The following ARMC2 variants were observed in gnomAD, a reference collection of about 807,000 sequenced individuals.
ARMC2 encodes armadillo repeat containing 2, also known as armadillo repeat-containing protein 2.
In ARMC2, 67 loss-of-function variants were observed where a neutral mutation model predicts 90.3. The ratio of observed to expected loss-of-function variants is 0.74; its 90% CI spans 0.61 to 0.91. ARMC2 has a LOEUF of 0.91. Among genes scored for constraint, ARMC2 ranks in the 40% least tolerant of loss-of-function variants. The probability of loss-of-function intolerance (pLI) is 0.00; values close to 1 mark genes in which losing one functional copy is unlikely to be tolerated. For missense variants in ARMC2, 920 were observed against 1,030.9 expected, an observed-to-expected ratio of 0.89 and a Z score of 1.47; for synonymous variants, 393 against 393.0, an observed-to-expected ratio of 1.00 and a Z score of 0.00.
chr6:108,985,492 C>CAA, the ARMC2 span, among the ~76,000 whole-genome samples: 1 of 152,138 alleles, frequency 6.6e-6, no homozygotes, highest in Non-Finnish European at 1.5e-5. Flanking sequence ...GAAAACACTC[C>CAA]AACAGGAAGC....
At chr6:108,918,138 T>C (rs980888343) in intron 10 of ARMC2, among the ~76,000 whole-genome samples, 3 of 151,854 alleles carry the variant, frequency 2.0e-5, no homozygotes, top group Non-Finnish European at 4.4e-5. Flanking sequence ...GACAATGAAA[T>C]TACCCAAGGA....
chr6:109,030,638 A>G, the ARMC2 span, among the ~76,000 whole-genome samples: 1 of 152,214 alleles, frequency 6.6e-6, no homozygotes, highest in African/African-American at 2.4e-5. Context: ...TAAGTCTGGA[A>G]TCTTCAAGAT....
At position 108,936,891 on chromosome 6, in the gene ARMC2, T is replaced by C; in HGVS notation, c.1497-9T>C. On this transcript the variant is annotated splice_polypyrimidine_tract_variant and intron_variant, in intron 11 of 17. Transcript: ENST00000392644. ...TTTACCTTTATTTTCCCATTTGGCA[T>C]TTCTGCAGCAAACTTACTTCTTACC... 6.3e-7 allele frequency: 1 copy of C among 1,580,952 alleles called. No individual in the cohort carries two copies. Among genetic ancestry groups the C allele is most frequent in the Non-Finnish European group, 8.6e-7 (1 of 1,161,452 alleles).
intron 10 of ARMC2, among the ~76,000 whole-genome samples, chr6:108,914,966 T>C (rs1307148239): frequency 6.6e-6 from 1 of 151,978 alleles, no homozygotes; most frequent in Non-Finnish European, 1.5e-5. Context: ...TTTTTTTTCT[T>C]TTTGAGACAG....
intron 1 of ARMC2, among the ~76,000 whole-genome samples, chr6:108,850,996 G>A (rs1773955770): frequency 6.6e-6 from 1 of 152,174 alleles, no homozygotes; most frequent in South Asian, 2.1e-4. Flanking sequence ...CATAAAAACT[G>A]TCTGATTTCA....
intron 17 of ARMC2, among the ~76,000 whole-genome samples, chr6:108,969,702 A>G (rs1157289600): frequency 2.0e-5 from 3 of 152,254 alleles, no homozygotes; most frequent in Admixed American, 6.5e-5. Flanking sequence ...GATGCAAAAT[A>G]CTGTGAAGCA....
At chr6:108,903,106 T>G (rs746216049) in intron 7 of ARMC2, among the ~76,000 whole-genome samples, 2 of 152,100 alleles carry the variant, frequency 1.3e-5, no homozygotes, top group African/African-American at 2.4e-5. Flanking sequence ...AGGTGGAGGT[T>G]GCAGTGAGCC....
chr6:108,969,772 T>C (rs1388516819), intron 17 of ARMC2, among the ~76,000 whole-genome samples: 1 of 152,220 alleles, frequency 6.6e-6, no homozygotes, highest in Non-Finnish European at 1.5e-5. Context: ...CTGAGTGCAA[T>C]GGCTCATGCC....
intron 8 of ARMC2, among the ~76,000 whole-genome samples, chr6:108,908,143 G>GA (rs977562924): frequency 3.9e-5 from 6 of 152,002 alleles, no homozygotes; most frequent in Non-Finnish European, 7.4e-5. Context: ...AGTGCTGGGG[G>GA]GGGCCTGAGA....
chr6:109,009,335 C>T, the ARMC2 span: 1 of 1,464,542 alleles, frequency 6.8e-7, no homozygotes, highest in South Asian at 1.3e-5. Context: ...ACCCAGCGGC[C>T]CGCTCAGCCC....
the ARMC2 span, among the ~76,000 whole-genome samples, chr6:109,046,024 T>C: frequency 6.6e-6 from 1 of 152,250 alleles, no homozygotes; most frequent in Non-Finnish European, 1.5e-5. Context: ...ATAATTCATA[T>C]ACTTTGGAAC....
chr6:108,915,416 T>G (rs990360947), intron 10 of ARMC2, among the ~76,000 whole-genome samples: 2 of 152,202 alleles, frequency 1.3e-5, no homozygotes, highest in South Asian at 4.1e-4. Flanking sequence ...TTTTCTTCTA[T>G]GACTTTCAAC....
chr6:108,889,366 G>A (rs924221839), intron 5 of ARMC2, among the ~76,000 whole-genome samples: 13 of 151,594 alleles, frequency 8.6e-5, no homozygotes, highest in Non-Finnish European at 1.3e-4. Flanking sequence ...GACTGGTCTC[G>A]AACTCCTGAC....
the ARMC2 span, among the ~76,000 whole-genome samples, chr6:109,012,853 G>C: frequency 1.4e-3 from 214 of 152,218 alleles, 1 homozygote; most frequent in African/African-American, 5.0e-3. Flanking sequence ...GGTGGCTTAC[G>C]CCTGTAATTC....
At chr6:108,986,641 A>T in the ARMC2 span, 1 of 152,534 alleles carries the variant, frequency 6.6e-6, no homozygotes, top group Non-Finnish European at 1.5e-5. Flanking sequence ...GGAGCTGCAC[A>T]GCCTTTAAAG....
In ARMC2 at chr6:108,935,023, T is replaced by A. The variant is rs564280865; in HGVS notation, c.1497-1877T>A. 2.4e-3 allele frequency among the ~76,000 whole-genome samples: 363 copies of A among 151,644 alleles called. 1 individual carries two copies. The highest frequency in any genetic ancestry group is 0.011 in the South Asian group (52 of 4,792). On this transcript the variant is annotated intron_variant, in intron 11 of 17. Coordinates refer to ENST00000392644, the MANE Select transcript of ARMC2 (RefSeq NM_032131.6). ...AAACTGAGACATAGAGAAGTTTAGTTATTTTCCCGAGATCACACAACTAGT... is the reference window on the plus strand; with the variant it reads ...AAACTGAGACATAGAGAAGTTTAGTAATTTTCCCGAGATCACACAACTAGT...
At chr6:108,862,342 C>CAAAAAAAAAAAAAAAAA (rs71551359) in intron 3 of ARMC2, among the ~76,000 whole-genome samples, 5 of 36,594 alleles carry the variant, frequency 1.4e-4, no homozygotes, top group Non-Finnish European at 2.6e-4. Context: ...AGACTCATCT[C>CAAAAAAAAAAAAAAAAA]AAAAAAAAAA....
At chr6:108,858,317 A>C (rs755645671) in intron 3 of ARMC2, 46 bp downstream of exon 3, 1 of 1,494,094 alleles carries the variant, frequency 6.7e-7, no homozygotes, top group Non-Finnish European at 9.2e-7. Context: ...ATGTTGTGAA[A>C]TGAAATTGGC....
intron 4 of ARMC2, among the ~76,000 whole-genome samples, chr6:108,873,024 C>G (rs1776580337): frequency 6.6e-6 from 1 of 152,126 alleles, no homozygotes; most frequent in Admixed American, 6.5e-5. Context: ...TTTGGGAACA[C>G]AATTTGGGAA....
Sources: gnomAD v4.1 joint callset for allele counts (sites outside exome capture counted in the v4.1 genomes callset) on GRCh38, gnomAD v4.1.1 for gene constraint, MANE v1.5 for transcripts, NCBI Gene and HGNC (gene_info 2026-07-23, HGNC 2026-07-21) for gene names.